PABPC4L: variants seen among roughly 807,000 people sequenced by gnomAD.
PABPC4L encodes polyadenylate-binding protein 4-like.
For missense variants in PABPC4L, 452 were observed against 451.4 expected (o/e 1.00, Z -0.01); for synonymous variants, 169 against 164.1 (o/e 1.03, Z -0.23).
chr4:134,010,344 A>G, the PABPC4L span, among the ~76,000 whole-genome samples: 1 of 152,106 alleles, frequency 6.6e-6, no homozygotes. Flanking sequence ...CCTATCAGTG[A>G]TCAATCAGAA....
chr4:134,123,172 C>T, the PABPC4L span, among the ~76,000 whole-genome samples: 2 of 151,968 alleles, frequency 1.3e-5, no homozygotes, highest in Admixed American at 1.3e-4. Flanking sequence ...GATTTACTAA[C>T]ATTAAAGTTC....
chr4:134,045,594 T>C, the PABPC4L span, among the ~76,000 whole-genome samples: 1 of 152,108 alleles, frequency 6.6e-6, no homozygotes, highest in South Asian at 2.1e-4. Flanking sequence ...TAAGGTTAGT[T>C]TGTCTTCTAA....
At chr4:134,098,152 C>A in the PABPC4L span, among the ~76,000 whole-genome samples, 9 of 151,792 alleles carry the variant, frequency 5.9e-5, no homozygotes, top group African/African-American at 1.9e-4. Flanking sequence ...TTGGTTAGGA[C>A]AGGAGGCTAA....
chr4:133,985,409 A>C, the PABPC4L span, among the ~76,000 whole-genome samples: 3 of 152,060 alleles, frequency 2.0e-5, no homozygotes, highest in Non-Finnish European at 4.4e-5. Flanking sequence ...AGATTGGACT[A>C]TAAGCAGGAA....
chr4:134,053,285 C>T, the PABPC4L span, among the ~76,000 whole-genome samples: 1 of 152,234 alleles, frequency 6.6e-6, no homozygotes, highest in African/African-American at 2.4e-5. Flanking sequence ...CAACTGCAAG[C>T]TATTGATTTG....
At chr4:134,027,416 G>A in the PABPC4L span, among the ~76,000 whole-genome samples, 1 of 152,038 alleles carries the variant, frequency 6.6e-6, no homozygotes, top group African/African-American at 2.4e-5. Context: ...AAGCCACGTT[G>A]TTTTTAAGGA....
At chr4:134,096,155 T>A in the PABPC4L span, among the ~76,000 whole-genome samples, 1 of 151,964 alleles carries the variant, frequency 6.6e-6, no homozygotes, top group African/African-American at 2.4e-5. Context: ...GTGGTACTCA[T>A]TTTTTATTTA....
the PABPC4L span, among the ~76,000 whole-genome samples, chr4:134,029,220 A>G: frequency 3.9e-5 from 6 of 152,230 alleles, no homozygotes; most frequent in African/African-American, 1.4e-4. Context: ...ATGTTCCAGC[A>G]GGATCCGGGA....
the PABPC4L span, among the ~76,000 whole-genome samples, chr4:134,012,681 T>C: frequency 6.6e-6 from 1 of 152,200 alleles, no homozygotes; most frequent in Non-Finnish European, 1.5e-5. Flanking sequence ...CCTGTCCTCC[T>C]GCTCTTTGCT....
chr4:134,100,689 A>T, the PABPC4L span, among the ~76,000 whole-genome samples: 1 of 151,674 alleles, frequency 6.6e-6, no homozygotes, highest in African/African-American at 2.4e-5. Context: ...TTGCTGAAAC[A>T]TATCATCTCA....
chr4:134,076,834 T>C, the PABPC4L span, among the ~76,000 whole-genome samples: 1 of 152,178 alleles, frequency 6.6e-6, no homozygotes, highest in Non-Finnish European at 1.5e-5. Flanking sequence ...TATATGTATA[T>C]GTGTGAATGT....
the PABPC4L span, among the ~76,000 whole-genome samples, chr4:134,121,220 T>G: frequency 6.6e-6 from 1 of 151,320 alleles, no homozygotes; most frequent in African/African-American, 2.4e-5. Flanking sequence ...AAAAAATATA[T>G]AAATTATAAT....
At chr4:134,102,688 A>G in the PABPC4L span, among the ~76,000 whole-genome samples, 5 of 151,752 alleles carry the variant, frequency 3.3e-5, no homozygotes, top group East Asian at 7.8e-4. Context: ...CTGAAGTTTT[A>G]AGTGATCTAT....
chr4:133,984,942 C>T, the PABPC4L span, among the ~76,000 whole-genome samples: 2 of 151,876 alleles, frequency 1.3e-5, no homozygotes, highest in African/African-American at 4.8e-5. Context: ...TTTAATAGGA[C>T]AGCATATGCA....
At chr4:134,169,385 C>T in the PABPC4L span, among the ~76,000 whole-genome samples, 1 of 151,858 alleles carries the variant, frequency 6.6e-6, no homozygotes, top group Non-Finnish European at 1.5e-5. Flanking sequence ...GTTCTGGAAC[C>T]CAACAAAGAT....
At chr4:134,124,780 T>A in the PABPC4L span, among the ~76,000 whole-genome samples, 1 of 152,206 alleles carries the variant, frequency 6.6e-6, no homozygotes, top group African/African-American at 2.4e-5. Context: ...AAAATTCATA[T>A]ATTCAACAGG....
rs936991088 is a variant in PABPC4L at position 134,199,266 on chromosome 4, C to T, written c.*641G>A. 1 of 152,092 alleles carries T rather than the reference C, an allele frequency of 6.6e-6. No individual in the cohort carries two copies. The highest frequency in any genetic ancestry group is 2.4e-5 in the African/African-American group (1 of 41,458). The allele number at this position is 152,092 out of a possible 1,614,324, so 9.4% of individuals were successfully genotyped here. On this transcript the variant is annotated 3_prime_UTR_variant, in exon 2 of 2. Transcript: ENST00000421491. ...GTCAACTAATGGAAAGAACAAAACA[C>T]ATAAAGCCAGTTTTTAGGCAACATT...
chr4:134,147,982 T>C, the PABPC4L span, among the ~76,000 whole-genome samples: 3,951 of 152,136 alleles, frequency 0.026, 144 homozygotes, highest in African/African-American at 0.089. Flanking sequence ...ATAATTTCAC[T>C]TGAGAGGCAC....
the PABPC4L span, among the ~76,000 whole-genome samples, chr4:134,079,254 G>A: frequency 6.6e-6 from 1 of 150,938 alleles, no homozygotes; most frequent in Non-Finnish European, 1.5e-5. Context: ...ACAGGCTTGA[G>A]CCACCACAAC....
Sources: gnomAD v4.1 joint callset for allele counts (sites outside exome capture counted in the v4.1 genomes callset) on GRCh38, gnomAD v4.1.1 for gene constraint, MANE v1.5 for transcripts, NCBI Gene and HGNC (gene_info 2026-07-23, HGNC 2026-07-21) for gene names.